Variants in ZBTB46 observed in about 807,000 individuals in gnomAD.
ZBTB46 encodes zinc finger and BTB domain containing 46.
ZBTB46 carries 8 observed loss-of-function variants against 44.1 expected under a neutral mutation model. The observed-to-expected ratio is 0.18, with a 90% CI of 0.11 to 0.33. ZBTB46 has a LOEUF of 0.33. Ranked by LOEUF, ZBTB46 falls within the 10% of genes least tolerant of loss-of-function variation. The pLI, the probability that ZBTB46 is intolerant of heterozygous loss-of-function variation, is 1.00. For missense variants in ZBTB46, 651 were observed against 847.7 expected (o/e 0.77, Z 2.88); for synonymous variants, 409 against 382.3 (o/e 1.07, Z -0.81).
chr20:63,826,702 G>A (rs866239468), intron 1 of ZBTB46, among the ~76,000 whole-genome samples: 4 of 152,342 alleles, frequency 2.6e-5, no homozygotes, highest in Middle Eastern at 6.8e-3. Context: ...TCCAGCCTGC[G>A]CGACAGAGCG....
At chr20:63,775,627 C>T in intron 3 of ZBTB46, 51 bp downstream of exon 3, 6 of 1,513,398 alleles carry the variant, frequency 4.0e-6, no homozygotes, top group Non-Finnish European at 5.3e-6. Flanking sequence ...CTGCAACCCT[C>T]AGCCTTCAAA....
chr20:63,809,078 T>G (rs1288668631), intron 1 of ZBTB46, among the ~76,000 whole-genome samples: 1 of 150,122 alleles, frequency 6.7e-6, no homozygotes, highest in African/African-American at 2.5e-5. Context: ...GGTGCTCCGG[T>G]GCTGCAGAGG....
chr20:63,796,277 C>T (rs1377768357), intron 1 of ZBTB46, among the ~76,000 whole-genome samples: 1 of 152,258 alleles, frequency 6.6e-6, no homozygotes, highest in Non-Finnish European at 1.5e-5. Context: ...GCCCGATCCG[C>T]GTAGGGCACA....
chr20:63,804,919 A>G (rs1419221715), intron 1 of ZBTB46, among the ~76,000 whole-genome samples: 2 of 145,300 alleles, frequency 1.4e-5, no homozygotes, highest in East Asian at 2.1e-4. Context: ...AAAAACCTAC[A>G]TGACTTTTTT....
At chr20:63,824,502 G>A (rs988927877) in intron 1 of ZBTB46, among the ~76,000 whole-genome samples, 11 of 151,984 alleles carry the variant, frequency 7.2e-5, no homozygotes, top group South Asian at 4.2e-4. Flanking sequence ...CTCACTTGGC[G>A]GTTGCCACAA....
Position 63,757,513 on chromosome 20 carries a change from G to T in ZBTB46, c.1223-4652C>A, listed in dbSNP as rs567485413. Reference sequence around the variant, plus strand: ...TGTCCCACATTGAGTTGCAGAGTGGGCTTTCTGGTGCCTCACGGGCCCTGG... The same window carrying T: ...TGTCCCACATTGAGTTGCAGAGTGGTCTTTCTGGTGCCTCACGGGCCCTGG... On this transcript the variant is annotated intron_variant, in intron 3 of 4. Transcript: ENST00000245663. Among the ~76,000 whole-genome samples the T allele has an allele frequency of 2.0e-5, 3 of 152,164 alleles. No individual in the cohort carries two copies. The East Asian group carries it at 5.8e-4, about 30-fold the overall frequency.
At chr20:63,775,539 C>T (rs534885034) in intron 3 of ZBTB46, 139 bp downstream of exon 3, 3 of 1,186,938 alleles carry the variant, frequency 2.5e-6, no homozygotes, top group Non-Finnish European at 3.4e-6. Context: ...CGCATCCTCA[C>T]CTCCCGCAAC....
chr20:63,746,839 G>A lies in ZBTB46; in HGVS notation c.*91C>T, dbSNP rs2092094257. 1 of 1,412,444 alleles carries A rather than the reference G, an allele frequency of 7.1e-7. No individual in the cohort carries two copies. The highest frequency in any genetic ancestry group is 9.2e-7 in the Non-Finnish European group (1 of 1,085,318). 87.5% of individuals were successfully genotyped at this position (1,412,444 alleles called of 1,614,324 possible). ...GCAGAGGAGGGGCCGCGAGAGGGGTGAGCGTGGCCCTGGCCCCGCAGTGGA... is the reference window on the plus strand; with the variant it reads ...GCAGAGGAGGGGCCGCGAGAGGGGTAAGCGTGGCCCTGGCCCCGCAGTGGA... On this transcript the variant is annotated 3_prime_UTR_variant, in exon 5 of 5. Coordinates refer to ENST00000245663, the MANE Select transcript of ZBTB46 (RefSeq NM_001369741.1).
At chr20:63,763,349 G>T (rs1219024821) in intron 3 of ZBTB46, among the ~76,000 whole-genome samples, 1 of 152,068 alleles carries the variant, frequency 6.6e-6, no homozygotes, top group African/African-American at 2.4e-5. Context: ...CTGCTATAAA[G>T]AAATACCTGC....
At chr20:63,799,192 A>G (rs1205947332) in intron 1 of ZBTB46, among the ~76,000 whole-genome samples, 2 of 149,296 alleles carry the variant, frequency 1.3e-5, no homozygotes, top group African/African-American at 2.5e-5. Context: ...CACCACACTC[A>G]GCTAATTTTT....
Position 63,752,099 on chromosome 20 carries a change from G to A in ZBTB46, c.1398+587C>T, listed in dbSNP as rs940963893. On this transcript the variant is annotated intron_variant, in intron 4 of 4. Coordinates refer to ENST00000245663, the MANE Select transcript of ZBTB46 (RefSeq NM_001369741.1). This position sits in a 1 kb window ranked among gnomAD's most constrained non-coding sequence, Gnocchi z 5.6. ...CAGGACTCCCCGAACCCTTGGGGCCGCCCCGCTCTGGGCTGCCTGTGCCCC... is the reference window on the plus strand; with the variant it reads ...CAGGACTCCCCGAACCCTTGGGGCCACCCCGCTCTGGGCTGCCTGTGCCCC... 2.2e-4 allele frequency among the ~76,000 whole-genome samples: 34 copies of A among 152,098 alleles called. No individual in the cohort carries two copies. Among genetic ancestry groups the A allele is most frequent in the African/African-American group, 9.7e-5 (4 of 41,412 alleles).
chr20:63,812,466 A>G (rs931677035), intron 1 of ZBTB46, among the ~76,000 whole-genome samples: 17 of 151,080 alleles, frequency 1.1e-4, no homozygotes, highest in African/African-American at 3.9e-4. Context: ...ACATGGTAAA[A>G]CCCCGTCTCT....
chr20:63,775,809 G>A lies in ZBTB46; in HGVS notation c.1091C>T (p.Ala364Val), dbSNP rs771470160. 6.2e-7 allele frequency: 1 copy of A among 1,613,280 alleles called. No homozygotes were observed. The highest frequency in any genetic ancestry group is 8.5e-7 in the Non-Finnish European group (1 of 1,179,982). ...TPEKDDALHQ[A>V]TAVANLRAAL... is the part of the protein sequence containing the mutation. ...CGCGCGCAGGTTGGCCACCGCGGTG[G>A]CCTGATGCAGGGCGTCGTCCTTCTC... Residue 364 changes from alanine to valine, a missense_variant, in exon 3 of 5, where the codon GCC becomes GTC. Around this residue, in one of 5 missense-constraint regions of ZBTB46, gnomAD observed 385 missense variants for 423.3 expected, o/e 0.91. Coordinates refer to ENST00000245663, the MANE Select transcript of ZBTB46 (RefSeq NM_001369741.1).
intron 1 of ZBTB46, among the ~76,000 whole-genome samples, chr20:63,796,908 G>A (rs1005136194): frequency 6.6e-6 from 1 of 152,102 alleles, no homozygotes; most frequent in Admixed American, 6.5e-5. Flanking sequence ...GGTGGCTCAG[G>A]CCTATAATCC....
chr20:63,795,703 C>T (rs939025667), intron 1 of ZBTB46, among the ~76,000 whole-genome samples: 18 of 152,300 alleles, frequency 1.2e-4, no homozygotes, highest in African/African-American at 4.1e-4. Flanking sequence ...CCCTGGGATC[C>T]GGGGAGCAAG....
intron 3 of ZBTB46, among the ~76,000 whole-genome samples, chr20:63,773,119 G>A (rs1035576893): frequency 6.6e-5 from 10 of 152,088 alleles, no homozygotes; most frequent in Admixed American, 2.6e-4. Flanking sequence ...CCCATCTGCT[G>A]CACACACAAA....
intron 4 of ZBTB46, among the ~76,000 whole-genome samples, chr20:63,751,720 C>CTCCCAT (rs1568828142): frequency 2.1e-5 from 2 of 95,818 alleles, no homozygotes; most frequent in Admixed American, 9.1e-5. Context: ...CCCGGTGGGT[C>CTCCCAT]GCACCATGAA....
In ZBTB46 at chr20:63,825,511, C is replaced by G. The variant is rs1022851054; in HGVS notation, c.-34+5586G>C. On this transcript the variant is annotated intron_variant, in intron 1 of 4. Transcript: ENST00000245663. Reference sequence around the variant, plus strand: ...CCCATGCTGCACAAACAGCCCTGGGCACTTTGTGTCAACAACTCTGTTTTC... The same window carrying G: ...CCCATGCTGCACAAACAGCCCTGGGGACTTTGTGTCAACAACTCTGTTTTC... Among the ~76,000 whole-genome samples, 3 of 149,134 alleles carry G rather than the reference C, an allele frequency of 2.0e-5. No homozygotes were observed. In the East Asian group the frequency reaches 6.3e-4, roughly 31 times the overall value.
intron 1 of ZBTB46, among the ~76,000 whole-genome samples, chr20:63,795,839 G>A (rs1438068659): frequency 6.6e-6 from 1 of 152,226 alleles, no homozygotes; most frequent in African/African-American, 2.4e-5. Context: ...AATGCGCATA[G>A]GAACGGCCCA....
Sources: allele counts gnomAD v4.1 joint callset (sites outside exome capture counted in the v4.1 genomes callset), GRCh38; gene constraint gnomAD v4.1.1; regional missense constraint gnomAD v4.1.1; non-coding constraint Gnocchi (gnomAD v3.1); transcripts MANE v1.5; gene names NCBI Gene and HGNC (gene_info 2026-07-23, HGNC 2026-07-21).